Variants in TRMT61B observed in about 807,000 individuals in gnomAD.
The protein encoded by TRMT61B is tRNA methyltransferase 61B.
In TRMT61B, 56 loss-of-function variants were observed where a neutral mutation model predicts 52.0. The ratio of observed to expected loss-of-function variants is 1.08; its 90% CI spans 0.87 to 1.35. The LOEUF is 1.35. TRMT61B is among the 40% of genes most tolerant of loss of function. TRMT61B has a pLI of 0.00. For synonymous variants in TRMT61B, 206 were observed against 220.0 expected, an observed-to-expected ratio of 0.94 and a Z score of 0.56; for missense variants, 650 against 577.9, an observed-to-expected ratio of 1.12 and a Z score of -1.28.
intron 3 of TRMT61B, among the ~76,000 whole-genome samples, chr2:28,859,382 G>C (rs921724344): frequency 3.9e-5 from 6 of 152,102 alleles, no homozygotes; most frequent in African/African-American, 1.4e-4. Flanking sequence ...TGCCCTGCCA[G>C]AGATTTATGT....
At chr2:28,861,340 T>C (rs1446398581) in intron 2 of TRMT61B, 32 bp from the exon 3 acceptor site, 1 of 1,492,160 alleles carries the variant, frequency 6.7e-7, no homozygotes, top group South Asian at 1.3e-5. Context: ...TATTTCATAA[T>C]ATTAATCAGT....
intron 4 of TRMT61B, 127 bp from the exon 5 acceptor site, chr2:28,851,425 G>A (rs1669092970): frequency 3.1e-6 from 2 of 637,208 alleles, no homozygotes; most frequent in Non-Finnish European, 5.1e-6. Context: ...GTTTAAATAT[G>A]CAAGTTAGGA....
At chr2:28,866,419 T>G (rs894146597) in intron 1 of TRMT61B, among the ~76,000 whole-genome samples, 1 of 152,204 alleles carries the variant, frequency 6.6e-6, no homozygotes, top group South Asian at 2.1e-4. Flanking sequence ...GGTTTTGGGA[T>G]GAAATTGTTC....
chr2:28,865,815 G>A (rs1048313959), intron 1 of TRMT61B, among the ~76,000 whole-genome samples: 7 of 151,160 alleles, frequency 4.6e-5, no homozygotes, highest in Admixed American at 4.6e-4. Flanking sequence ...CGAATAGCTG[G>A]GATTACAGGT....
Position 28,850,160 on chromosome 2 carries a change from T to C in TRMT61B, c.*39A>G. The C allele has an allele frequency of 1.9e-6, 3 of 1,574,456 alleles. No homozygotes were observed. Among genetic ancestry groups the C allele is most frequent in the Non-Finnish European group, 1.7e-6 (2 of 1,153,090 alleles). On this transcript the variant is annotated 3_prime_UTR_variant, in exon 7 of 7. Transcript: ENST00000306108. ...TTCAATATAAAGTTCTATTTTGATATTTTTCCATCTTCAAGTCAGTTACTG... is the reference window on the plus strand; with the variant it reads ...TTCAATATAAAGTTCTATTTTGATACTTTTCCATCTTCAAGTCAGTTACTG...
chr2:28,852,505 T>G lies in TRMT61B; in HGVS notation c.994-6A>C. ...TTTAACATATCCAAAGCTACCTGTGTGGGGGAAAAAGAGAACTGGATCAGT... is the reference window on the plus strand; with the variant it reads ...TTTAACATATCCAAAGCTACCTGTGGGGGGGAAAAAGAGAACTGGATCAGT... On this transcript the variant is annotated splice_polypyrimidine_tract_variant and splice_region_variant and intron_variant, in intron 3 of 6. Transcript: ENST00000306108. The G allele has an allele frequency of 1.3e-6, 2 of 1,586,832 alleles. No individual in the cohort carries two copies. The highest frequency in any genetic ancestry group is 1.7e-6 in the Non-Finnish European group (2 of 1,163,062).
rs758028448 is a variant in TRMT61B at position 28,869,966 on chromosome 2, G to C, written c.312C>G (p.Asp104Glu). The C allele has an allele frequency of 3.7e-6, 6 of 1,613,774 alleles. No homozygotes were observed. In the South Asian group the frequency reaches 5.5e-5, roughly 15 times the overall value. ...REESSPRELEDSSGDQGRCGP... is the reference protein window; with the variant it reads ...REESSPRELEESSGDQGRCGP... ...CGCACCGGCCCTGGTCTCCGCTCGA[G>C]TCCTCGAGCTCTCGAGGGGATGACT... Residue 104 changes from aspartate (D) to glutamate (E), a missense_variant, in exon 1 of 7, where the codon GAC becomes GAG. Physicochemically the swap from Asp to Glu is conservative, Grantham distance 45. Transcript: ENST00000306108.
intron 1 of TRMT61B, among the ~76,000 whole-genome samples, chr2:28,869,212 G>C (rs578114278): frequency 6.6e-6 from 1 of 152,226 alleles, no homozygotes; most frequent in Non-Finnish European, 1.5e-5. Flanking sequence ...CTAAAAAATT[G>C]TTCCCTAAGA....
At chr2:28,862,770 C>A (rs1669662805) in intron 2 of TRMT61B, among the ~76,000 whole-genome samples, 1 of 149,622 alleles carries the variant, frequency 6.7e-6, no homozygotes, top group Non-Finnish European at 1.5e-5. Context: ...GCAGGCAGAT[C>A]ACTTGAGGTC....
At chr2:28,851,390 C>A (rs113783200) in intron 4 of TRMT61B, 92 bp from the exon 5 acceptor site, 1 of 861,456 alleles carries the variant, frequency 1.2e-6, no homozygotes, top group East Asian at 2.8e-5. Context: ...ATTTAAATAC[C>A]ATAGTTAAAT....
chr2:28,861,197 T>C lies in TRMT61B; in HGVS notation c.914A>G (p.Glu305Gly), dbSNP rs758870968. 6.2e-7 allele frequency: 1 copy of C among 1,613,866 alleles called. No individual in the cohort carries two copies. The highest frequency in any genetic ancestry group is 1.1e-5 in the South Asian group (1 of 90,966). The change falls in exon 3 of 7, where the codon GAG (glutamate) becomes GGG (glycine). Residue 305 changes from glutamate to glycine, a missense_variant. By Grantham distance (98) the Glu-to-Gly change is moderately conservative (BLOSUM62 -2). Coordinates refer to ENST00000306108, the MANE Select transcript of TRMT61B (RefSeq NM_017910.4). Reference protein sequence around the residue: ...RDSWKLSHVEEWPDNVDFIHK... With the variant: ...RDSWKLSHVEGWPDNVDFIHK... ...AATAAAATCCACATTGTCTGGCCAC[T>C]CTTCTACATGACTTAATTTCCATGA...
intron 3 of TRMT61B, among the ~76,000 whole-genome samples, chr2:28,856,537 G>C (rs911942931): frequency 6.6e-6 from 1 of 152,042 alleles, no homozygotes; most frequent in Non-Finnish European, 1.5e-5. Context: ...TGCATTTACA[G>C]ACTCATCTCC....
intron 3 of TRMT61B, 43 bp downstream of exon 3, chr2:28,861,075 T>C (rs1459725830): frequency 6.6e-7 from 1 of 1,504,120 alleles, no homozygotes; most frequent in African/African-American, 1.4e-5. Flanking sequence ...CTATCTTCTT[T>C]ATAGTCAAAG....
At chr2:28,864,885 T>A in intron 2 of TRMT61B, 132 bp downstream of exon 2, 1 of 580,960 alleles carries the variant, frequency 1.7e-6, no homozygotes. Context: ...AAATAGTTGC[T>A]TACTTTCAGA....
rs200614848 is a variant in TRMT61B, at chr2:28,852,365, A to G, written c.1085+43T>C. On this transcript the variant is annotated intron_variant, in intron 4 of 6. Coordinates refer to ENST00000306108, the MANE Select transcript of TRMT61B (RefSeq NM_017910.4). ...TAGTTTGATACTTAAGCAAAAGTGC[A>G]CTTAAAAGTTACATTACAAAGAAAA... 8.8e-6 allele frequency: 10 copies of G among 1,140,466 alleles called. No individual in the cohort carries two copies. The African/African-American group carries it at 1.3e-4, about 14-fold the overall frequency. The allele number at this position is 1,140,466 out of a possible 1,614,324, so 70.6% of individuals were successfully genotyped here. A position where few individuals can be genotyped will look rare whatever the true frequency, so the allele number is the denominator to read the frequency against.
In TRMT61B at chr2:28,870,261, C is replaced by T. The variant is rs373075222; in HGVS notation, c.17G>A (p.Cys6Tyr). Residue 6 changes from cysteine to tyrosine, a missense_variant, in exon 1 of 7, where the codon TGC becomes TAC. Coordinates refer to ENST00000306108, the MANE Select transcript of TRMT61B (RefSeq NM_017910.4). MLMAWCRGPVLLCLRQ... is the reference protein window; with the variant it reads MLMAWYRGPVLLCLRQ... Reference sequence around the variant, plus strand: ...CAGGCACAGCAAGACAGGACCGCGGCACCATGCCATTAGCATAGTGTTTCG... The same window carrying T: ...CAGGCACAGCAAGACAGGACCGCGGTACCATGCCATTAGCATAGTGTTTCG... The T allele has an allele frequency of 1.9e-6, 3 of 1,593,200 alleles. No individual in the cohort carries two copies. The highest frequency in any genetic ancestry group is 1.1e-5 in the South Asian group (1 of 89,682).
At chr2:28,865,666 A>G (rs1342295917) in intron 1 of TRMT61B, among the ~76,000 whole-genome samples, 4 of 142,200 alleles carry the variant, frequency 2.8e-5, no homozygotes, top group Non-Finnish European at 6.0e-5. Flanking sequence ...TAAAATGATG[A>G]ATTTCCTTTT....
chr2:28,857,126 G>C (rs1162848440), intron 3 of TRMT61B, among the ~76,000 whole-genome samples: 1 of 151,906 alleles, frequency 6.6e-6, no homozygotes, highest in Non-Finnish European at 1.5e-5. Flanking sequence ...TAGAGACAGA[G>C]TTTCACCATG....
rs1022649617 is a variant in TRMT61B at position 28,850,086 on chromosome 2, T to C, written c.*113A>G. 32 of 1,178,824 alleles carry C rather than the reference T, an allele frequency of 2.7e-5. No homozygotes were observed. The highest frequency in any genetic ancestry group is 7.4e-5 in the East Asian group (3 of 40,764). 73.0% of individuals were successfully genotyped at this position (1,178,824 alleles called of 1,614,324 possible). On this transcript the variant is annotated 3_prime_UTR_variant, in exon 7 of 7. Transcript: ENST00000306108. ...TTTTCAAAATTATATGTATAAGTTA[T>C]ATAAGTCATAGTAATAGCTAAAAAT...
Sources: gnomAD v4.1 joint callset for allele counts (sites outside exome capture counted in the v4.1 genomes callset) on GRCh38, gnomAD v4.1.1 for gene constraint, MANE v1.5 for transcripts, NCBI Gene and HGNC (gene_info 2026-07-23, HGNC 2026-07-21) for gene names.